Variants in PDE4D observed in about 807,000 individuals in gnomAD.
PDE4D encodes phosphodiesterase 4D, also known as 3',5'-cyclic-AMP phosphodiesterase 4D.
PDE4D carries 24 observed loss-of-function variants against 87.4 expected under a neutral mutation model. That is an observed-to-expected ratio of 0.27 (90% confidence interval 0.20 to 0.39). PDE4D has a LOEUF of 0.39. PDE4D is among the 10% of genes least tolerant of loss of function. The probability of loss-of-function intolerance (pLI) is 1.00; values close to 1 mark genes in which losing one functional copy is unlikely to be tolerated. For synonymous variants in PDE4D, 384 were observed against 383.2 expected, an observed-to-expected ratio of 1.00 and a Z score of -0.02; for missense variants, 714 against 1,041.0, an observed-to-expected ratio of 0.69 and a Z score of 4.32.
At chr5:59,766,627 A>G (rs1288565382) in intron 1 of PDE4D, among the ~76,000 whole-genome samples, 4 of 152,230 alleles carry the variant, frequency 2.6e-5, no homozygotes, top group Admixed American at 6.5e-5. Context: ...CAGCGCAACC[A>G]AAAGGGACAC....
At chr5:59,378,284 G>A (rs1161965973) in intron 1 of PDE4D, among the ~76,000 whole-genome samples, 5 of 152,212 alleles carry the variant, frequency 3.3e-5, no homozygotes, top group Non-Finnish European at 7.3e-5. Flanking sequence ...CTACCAGAGG[G>A]TAGAAGGTGG....
chr5:59,356,818 G>A (rs1043554518), intron 1 of PDE4D: 3 of 1,554,090 alleles, frequency 1.9e-6, no homozygotes, highest in African/African-American at 2.8e-5. Context: ...TGGCACCGTG[G>A]CTCCCAGAGG....
At chr5:60,199,464 A>G (rs1741651485) in intron 1 of PDE4D, among the ~76,000 whole-genome samples, 1 of 151,738 alleles carries the variant, frequency 6.6e-6, no homozygotes, top group Non-Finnish European at 1.5e-5. Flanking sequence ...GCACAACAGC[A>G]AAATCTCATA....
chr5:59,277,711 A>G (rs1280199535), intron 1 of PDE4D, among the ~76,000 whole-genome samples: 1 of 152,188 alleles, frequency 6.6e-6, no homozygotes, highest in Non-Finnish European at 1.5e-5. Flanking sequence ...TCCAGAAATA[A>G]TTAGCCTGTG....
intron 1 of PDE4D, among the ~76,000 whole-genome samples, chr5:59,754,272 G>C (rs908588986): frequency 1.3e-5 from 2 of 152,194 alleles, no homozygotes; most frequent in African/African-American, 4.8e-5. Flanking sequence ...AGAGGTTGCA[G>C]TGAGCTGAGA....
intron 1 of PDE4D, among the ~76,000 whole-genome samples, chr5:60,253,410 G>A (rs1415787807): frequency 2.0e-5 from 3 of 151,816 alleles, no homozygotes; most frequent in Non-Finnish European, 4.4e-5. Context: ...AATGTGCCAA[G>A]AAATGTTTTC....
In PDE4D at chr5:59,668,755, A is replaced by AAAGAAGAAG. The variant is rs1561440147; in HGVS notation, c.455+224412_455+224413insCTTCTTCTT. Among the ~76,000 whole-genome samples the AAAGAAGAAG allele has an allele frequency of 5.6e-4, 81 of 143,930 alleles. 1 individual carries two copies. The highest frequency in any genetic ancestry group is 2.1e-3 in the African/African-American group (73 of 35,312). 94.4% of individuals were successfully genotyped at this position (143,930 alleles called of 152,430 possible). On this transcript the variant is annotated intron_variant, in intron 1 of 14. Coordinates refer to ENST00000340635, the MANE Select transcript of PDE4D (RefSeq NM_001104631.2). Reference sequence around the variant, plus strand: ...AAGAAGAAAGAAGAAGAAGAAGAAGAAAGAAGAAAGAAGAAGAAGAAAGAA... The same window carrying AAAGAAGAAG: ...AAGAAGAAAGAAGAAGAAGAAGAAGAAAGAAGAAGAAGAAGAAAGAAGAAGAAGAAAGAA...
At chr5:59,692,785 T>G (rs1393460428) in intron 1 of PDE4D, among the ~76,000 whole-genome samples, 1 of 152,128 alleles carries the variant, frequency 6.6e-6, no homozygotes, top group Non-Finnish European at 1.5e-5. Context: ...TTGGAGGTAT[T>G]CTGAGTGCCT....
rs574619542 is a variant in PDE4D, at chr5:60,253,343, AGTT to A, written c.-89-67659_-89-67657del. Among the ~76,000 whole-genome samples, 170 of 152,000 alleles carry A rather than the reference AGTT, an allele frequency of 1.1e-3. 1 individual carries two copies. The highest frequency in any genetic ancestry group is 1.9e-3 in the Non-Finnish European group (132 of 67,892). On this transcript the variant is annotated intron_variant, in intron 1 of 16. Coordinates refer to the PDE4D transcript ENST00000502484. ...CAAGTCATCCCCCAGGCATGCTAGA[AGTT>A]GTTGTTGTCTCTTTTCTCTCCCTCT...
chr5:59,485,921 A>G (rs1805059950), intron 1 of PDE4D, among the ~76,000 whole-genome samples: 1 of 152,016 alleles, frequency 6.6e-6, no homozygotes, highest in Non-Finnish European at 1.5e-5. Context: ...TTCTCTTTAA[A>G]ATGAGTTTGC....
In PDE4D at chr5:59,026,348, A is replaced by T. The variant is rs539838688; in HGVS notation, c.921+12511T>A. On this transcript the variant is annotated intron_variant, in intron 6 of 14. Coordinates refer to ENST00000340635, the MANE Select transcript of PDE4D (RefSeq NM_001104631.2). ...CTGTCACTGAAAGAAAAAGAAAAAA[A>T]CCTTTCTTGAAAGGCACAAAGTAGA... is the stretch of plus-strand genomic sequence containing the variant. Among the ~76,000 whole-genome samples the T allele has an allele frequency of 4.5e-4, 69 of 152,340 alleles. 1 individual carries two copies. The highest frequency in any genetic ancestry group is 1.6e-3 in the African/African-American group (67 of 41,578).
At chr5:60,446,959 C>A (rs1028308365) in intron 1 of PDE4D, among the ~76,000 whole-genome samples, 4 of 152,084 alleles carry the variant, frequency 2.6e-5, no homozygotes, top group Admixed American at 6.5e-5. Flanking sequence ...TCAGCACTGC[C>A]CTGGGGGCCT....
chr5:59,077,929 T>C (rs1765993442), intron 5 of PDE4D, among the ~76,000 whole-genome samples: 1 of 152,238 alleles, frequency 6.6e-6, no homozygotes. Flanking sequence ...TGAAGACCTC[T>C]GATTTCCTAA....
At chr5:59,449,947 G>C (rs1798898327) in intron 1 of PDE4D, among the ~76,000 whole-genome samples, 1 of 152,152 alleles carries the variant, frequency 6.6e-6, no homozygotes, top group African/African-American at 2.4e-5. Flanking sequence ...TAACATTGCA[G>C]CTACCCAAGG....
At chr5:59,345,880 C>A (rs1779530075) in intron 1 of PDE4D, among the ~76,000 whole-genome samples, 1 of 152,134 alleles carries the variant, frequency 6.6e-6, no homozygotes, top group African/African-American at 2.4e-5. Context: ...CAAAACACTG[C>A]AACACTACAT....
intron 1 of PDE4D, among the ~76,000 whole-genome samples, chr5:59,593,563 C>T (rs1281529079): frequency 3.3e-5 from 5 of 152,084 alleles, no homozygotes; most frequent in Non-Finnish European, 4.4e-5. Flanking sequence ...GTCCTAACAA[C>T]AAAAAAGCTG....
At chr5:59,270,232 C>T (rs1763565868) in intron 1 of PDE4D, among the ~76,000 whole-genome samples, 2 of 152,154 alleles carry the variant, frequency 1.3e-5, no homozygotes, top group South Asian at 4.1e-4. Flanking sequence ...AAACCCTGAA[C>T]CAACTTTGAC....
At chr5:58,990,779 A>T in intron 9 of PDE4D, 25 bp downstream of exon 9, 1 of 1,221,936 alleles carries the variant, frequency 8.2e-7, no homozygotes, top group South Asian at 1.3e-5. Flanking sequence ...AATAAAATAA[A>T]TGTAATAGAA....
intron 2 of PDE4D, among the ~76,000 whole-genome samples, chr5:60,050,144 C>A (rs1769928501): frequency 1.3e-5 from 2 of 152,182 alleles, no homozygotes; most frequent in Non-Finnish European, 2.9e-5. Context: ...CTGTCTGTCA[C>A]CCCTTTCTTT....
Sources: allele counts gnomAD v4.1 joint callset (sites outside exome capture counted in the v4.1 genomes callset), GRCh38; gene constraint gnomAD v4.1.1; transcripts MANE v1.5; gene names NCBI Gene and HGNC (gene_info 2026-07-23, HGNC 2026-07-21).